The following SORCS1 variants were observed in gnomAD, a reference collection of about 807,000 sequenced individuals.
The protein encoded by SORCS1 is VPS10 domain-containing receptor SorCS1.
In SORCS1, 60 loss-of-function variants were observed where a neutral mutation model predicts 146.1. The observed-to-expected ratio is 0.41, with a 90% confidence interval of 0.33 to 0.51. SORCS1 has a LOEUF of 0.51. Ranked by LOEUF, SORCS1 falls within the 20% of genes least tolerant of loss-of-function variation. The probability of loss-of-function intolerance (pLI) is 0.21; values close to 1 mark genes in which losing one functional copy is unlikely to be tolerated. For synonymous variants in SORCS1, 637 were observed against 584.0 expected, an observed-to-expected ratio of 1.09 and a Z score of -1.31; for missense variants, 1,352 against 1,487.6, an observed-to-expected ratio of 0.91 and a Z score of 1.50.
intron 24 of SORCS1, among the ~76,000 whole-genome samples, chr10:106,587,846 G>C (rs566698015): frequency 3.4e-5 from 5 of 145,626 alleles, no homozygotes; most frequent in Admixed American, 1.4e-4. Flanking sequence ...TATTTTTTTT[G>C]GGGGGGGTCA....
chr10:106,893,246 C>T (rs1951308167), intron 2 of SORCS1, among the ~76,000 whole-genome samples: 1 of 152,104 alleles, frequency 6.6e-6, no homozygotes. Context: ...ATCACCCAAG[C>T]ATAGGGCTTT....
chr10:107,072,180 C>T (rs1269277612), intron 1 of SORCS1, among the ~76,000 whole-genome samples: 2 of 152,198 alleles, frequency 1.3e-5, no homozygotes, highest in East Asian at 3.8e-4. Context: ...CTGACCTCCT[C>T]CTCCAACCCT....
At chr10:106,625,174 C>A (rs575181771) in intron 19 of SORCS1, among the ~76,000 whole-genome samples, 1 of 151,024 alleles carries the variant, frequency 6.6e-6, no homozygotes, top group Admixed American at 6.6e-5. Flanking sequence ...ACAACTGACG[C>A]CCGTGAGGCT....
chr10:106,765,308 T>C (rs1294371345), intron 4 of SORCS1, among the ~76,000 whole-genome samples: 1 of 151,818 alleles, frequency 6.6e-6, no homozygotes, highest in Non-Finnish European at 1.5e-5. Context: ...CTCCACACTG[T>C]CATTATGCTA....
intron 18 of SORCS1, among the ~76,000 whole-genome samples, chr10:106,630,025 T>C (rs1453214511): frequency 1.3e-5 from 2 of 152,108 alleles, no homozygotes; most frequent in Non-Finnish European, 2.9e-5. Context: ...AGCCTGATGA[T>C]GGAGTGAGAC....
In SORCS1 at chr10:107,093,015, T is replaced by A. The variant is rs147568835; in HGVS notation, c.558+70954A>T. On this transcript the variant is annotated intron_variant, in intron 1 of 25. Transcript: ENST00000263054. ...GTTTTATGAGCTAGGGAGCTTTCTT[T>A]GGTACTTTTCAGTCATTTCTCATTT... Among the ~76,000 whole-genome samples, 57 of 152,292 alleles carry A rather than the reference T, an allele frequency of 3.7e-4. No individual in the cohort carries two copies. The East Asian group carries it at 8.7e-3, about 23-fold the overall frequency.
intron 4 of SORCS1, among the ~76,000 whole-genome samples, chr10:106,766,142 C>A (rs1398321404): frequency 1.3e-5 from 2 of 152,174 alleles, no homozygotes; most frequent in Admixed American, 6.5e-5. Context: ...CGGAAAACAT[C>A]CTGCTGTCGG....
intron 1 of SORCS1, among the ~76,000 whole-genome samples, chr10:106,989,271 GAAAAAAAAAA>G (rs1161174866): frequency 4.0e-5 from 3 of 75,672 alleles, no homozygotes; most frequent in African/African-American, 6.4e-5. Flanking sequence ...CTCCACCTCA[GAAAAAAAAAA>G]AAAAAAAAAA....
chr10:106,619,671 C>T (rs116723707), intron 20 of SORCS1, among the ~76,000 whole-genome samples: 1 of 152,056 alleles, frequency 6.6e-6, no homozygotes, highest in Non-Finnish European at 1.5e-5. Flanking sequence ...TTAGTGGAGG[C>T]ATCAGAAGGC....
At position 106,677,336 on chromosome 10, in the gene SORCS1, T is replaced by G. The variant is rs370783290; in HGVS notation, c.1809A>C (p.Thr603=). ...ACCAAAGATGTCGAATTGGGAGAGATGTGTGTTTCATAGCAACCAGGACTC... is the reference window on the plus strand; with the variant it reads ...ACCAAAGATGTCGAATTGGGAGAGAGGTGTGTTTCATAGCAACCAGGACTC... ...QGGVLVAMKH[T]SLPIRHLWLS... The change falls in exon 13 of 26, where the codon ACA becomes ACC. Residue 603 remains threonine, a synonymous_variant. Coordinates refer to ENST00000263054, the MANE Select transcript of SORCS1 (RefSeq NM_052918.5). 4 of 1,613,824 alleles carry G rather than the reference T, an allele frequency of 2.5e-6. No individual in the cohort carries two copies. Among genetic ancestry groups the G allele is most frequent in the African/African-American group, 2.7e-5 (2 of 74,904 alleles).
chr10:107,086,701 C>T (rs1462788316), intron 1 of SORCS1, among the ~76,000 whole-genome samples: 1 of 152,176 alleles, frequency 6.6e-6, no homozygotes, highest in Non-Finnish European at 1.5e-5. Context: ...GAATACAGCA[C>T]TCTGTTAGTC....
intron 2 of SORCS1, among the ~76,000 whole-genome samples, chr10:106,880,811 G>A (rs181995348): frequency 1.6e-4 from 25 of 152,130 alleles, no homozygotes; most frequent in Admixed American, 8.5e-4. Context: ...AGAATAAGCC[G>A]GGCACGGTGG....
chr10:106,875,342 T>G (rs1950556940), intron 2 of SORCS1, among the ~76,000 whole-genome samples: 1 of 152,202 alleles, frequency 6.6e-6, no homozygotes, highest in Non-Finnish European at 1.5e-5. Flanking sequence ...ATATACCACG[T>G]TTTCTTTATC....
chr10:106,777,922 TG>T (rs1860579202), intron 3 of SORCS1, among the ~76,000 whole-genome samples: 1 of 152,174 alleles, frequency 6.6e-6, no homozygotes, highest in African/African-American at 2.4e-5. Flanking sequence ...AATGTGTTGC[TG>T]TATGAAAAGA....
intron 24 of SORCS1, among the ~76,000 whole-genome samples, chr10:106,594,136 T>G (rs1845771979): frequency 6.6e-6 from 1 of 152,246 alleles, no homozygotes; most frequent in Non-Finnish European, 1.5e-5. Flanking sequence ...CCAAGCCAGC[T>G]GGCCAAACCA....
chr10:106,782,465 T>A (rs1860970521), intron 3 of SORCS1, among the ~76,000 whole-genome samples: 2 of 152,172 alleles, frequency 1.3e-5, no homozygotes, highest in African/African-American at 2.4e-5. Context: ...CAGTCCTTCA[T>A]ATGTGTGTTA....
chr10:106,664,471 T>C lies in SORCS1; in HGVS notation c.2303+3218A>G, dbSNP rs141022663. ...TCCTGGCTACTATGGTGAAACCCCA[T>C]CTCTAGTAAAAATACAAAACATTAG... On this transcript the variant is annotated intron_variant, in intron 17 of 25. Transcript: ENST00000263054. Among the ~76,000 whole-genome samples the C allele has an allele frequency of 6.3e-3, 957 of 152,128 alleles. 13 individuals are homozygous for C. The highest frequency in any genetic ancestry group is 0.022 in the African/African-American group (903 of 41,518).
intron 1 of SORCS1, among the ~76,000 whole-genome samples, chr10:107,040,971 CA>C (rs1003213666): frequency 6.6e-6 from 1 of 151,908 alleles, no homozygotes; most frequent in Admixed American, 6.6e-5. Context: ...TTTGCTATAA[CA>C]AAAAAATCCT....
chr10:106,819,136 C>T (rs1277483168), intron 3 of SORCS1, among the ~76,000 whole-genome samples: 1 of 152,208 alleles, frequency 6.6e-6, no homozygotes, highest in East Asian at 1.9e-4. Flanking sequence ...AACAATGAGA[C>T]TAACATTTGT....
Sources: gnomAD v4.1 joint callset for allele counts (sites outside exome capture counted in the v4.1 genomes callset) on GRCh38, gnomAD v4.1.1 for gene constraint, MANE v1.5 for transcripts, NCBI Gene and HGNC (gene_info 2026-07-23, HGNC 2026-07-21) for gene names.